SBF2: variants seen among roughly 807,000 people sequenced by gnomAD.
SBF2 encodes the protein SET binding factor 2.
Under a neutral mutation model 225.2 loss-of-function variants are expected in SBF2, and 112 were observed. The observed-to-expected ratio is 0.50, with a 90% CI of 0.43 to 0.58. The LOEUF (loss-of-function observed/expected upper bound fraction) is 0.58, where lower values mean the gene tolerates loss of function less well. SBF2 is among the 20% of genes least tolerant of loss of function. The pLI, the probability that SBF2 is intolerant of heterozygous loss-of-function variation, is 0.00. For missense variants in SBF2, 1,996 were observed against 2,206.2 expected, an observed-to-expected ratio of 0.90 and a Z score of 1.91; for synonymous variants, 763 against 773.3, an observed-to-expected ratio of 0.99 and a Z score of 0.22.
intron 13 of SBF2, among the ~76,000 whole-genome samples, chr11:9,970,549 G>C (rs1867264363): frequency 6.6e-6 from 1 of 152,094 alleles, no homozygotes; most frequent in African/African-American, 2.4e-5. Flanking sequence ...ATATGGCCCA[G>C]ACCTAGATAA....
chr11:9,913,606 G>GT (rs1862825692), intron 16 of SBF2, among the ~76,000 whole-genome samples: 1 of 150,880 alleles, frequency 6.6e-6, no homozygotes, highest in South Asian at 2.1e-4. Flanking sequence ...TGGCAATGAT[G>GT]TTTTTTAACA....
intron 17 of SBF2, among the ~76,000 whole-genome samples, chr11:9,883,685 G>A (rs145625090): frequency 7.2e-4 from 110 of 152,262 alleles, no homozygotes; most frequent in Non-Finnish European, 1.2e-3. Context: ...CTAGGTCTTC[G>A]ATGTTGAGGT....
chr11:9,846,870 A>T (rs1856585645), intron 23 of SBF2, 86 bp downstream of exon 23: 1 of 1,444,402 alleles, frequency 6.9e-7, no homozygotes, highest in African/African-American at 1.4e-5. Flanking sequence ...TTAACTTCTG[A>T]GCACATGACC....
At chr11:10,292,613 A>C (rs1250377260) in intron 1 of SBF2, among the ~76,000 whole-genome samples, 1 of 143,390 alleles carries the variant, frequency 7.0e-6, no homozygotes, top group Non-Finnish European at 1.5e-5. Flanking sequence ...CGGGAGACAG[A>C]GGTTGCAGTG....
chr11:9,850,248 T>A (rs368166313), intron 21 of SBF2, 30 bp from the exon 22 acceptor site: 20 of 1,601,200 alleles, frequency 1.2e-5, no homozygotes, highest in Non-Finnish European at 1.5e-5. Context: ...GATTGATTGA[T>A]TGATTGACTA....
intron 2 of SBF2, 22 bp downstream of exon 2, chr11:10,193,880 C>A: frequency 6.8e-7 from 1 of 1,470,558 alleles, no homozygotes; most frequent in Non-Finnish European, 9.5e-7. Context: ...TATAAATATG[C>A]AATAATACAA....
At chr11:10,025,979 A>T (rs921380647) in intron 6 of SBF2, among the ~76,000 whole-genome samples, 2 of 151,086 alleles carry the variant, frequency 1.3e-5, no homozygotes, top group Admixed American at 6.6e-5. Context: ...ACAGGCCACC[A>T]TTACTGGAAG....
At chr11:9,925,289 T>C (rs1186337237) in intron 16 of SBF2, among the ~76,000 whole-genome samples, 5 of 152,034 alleles carry the variant, frequency 3.3e-5, no homozygotes, top group Non-Finnish European at 5.9e-5. Flanking sequence ...TAATGATATA[T>C]ATATATATAT....
At chr11:10,064,412 G>C (rs1251155520) in intron 2 of SBF2, among the ~76,000 whole-genome samples, 1 of 151,992 alleles carries the variant, frequency 6.6e-6, no homozygotes, top group Admixed American at 6.6e-5. Context: ...AAAATAAAGG[G>C]TAAAAAGGAC....
intron 1 of SBF2, among the ~76,000 whole-genome samples, chr11:10,232,059 G>A (rs560902704): frequency 6.6e-6 from 1 of 152,340 alleles, no homozygotes; most frequent in South Asian, 2.1e-4. Flanking sequence ...ATCTCAGACT[G>A]CTGTGCTAGC....
intron 2 of SBF2, among the ~76,000 whole-genome samples, chr11:10,049,739 T>C (rs1422765937): frequency 6.6e-6 from 1 of 152,234 alleles, no homozygotes; most frequent in Admixed American, 6.5e-5. Context: ...ACTGCTATTT[T>C]AATGAGAATG....
intron 26 of SBF2, among the ~76,000 whole-genome samples, chr11:9,837,157 C>G (rs1590188459): frequency 6.6e-6 from 1 of 152,106 alleles, no homozygotes; most frequent in Non-Finnish European, 1.5e-5. Flanking sequence ...GCATCCTTGT[C>G]AGGATTTCAG....
intron 2 of SBF2, among the ~76,000 whole-genome samples, chr11:10,054,099 C>T (rs2134726325): frequency 6.6e-6 from 1 of 152,180 alleles, no homozygotes; most frequent in South Asian, 2.1e-4. Context: ...AGGGACTATC[C>T]AAAATTATTT....
chr11:10,006,001 G>C (rs765616716), intron 6 of SBF2, among the ~76,000 whole-genome samples: 1 of 152,114 alleles, frequency 6.6e-6, no homozygotes, highest in Non-Finnish European at 1.5e-5. Context: ...TCCTAGACAA[G>C]AGGTTCATGA....
intron 14 of SBF2, among the ~76,000 whole-genome samples, chr11:9,965,288 T>C (rs1866827752): frequency 6.6e-6 from 1 of 151,346 alleles, no homozygotes; most frequent in Non-Finnish European, 1.5e-5. Context: ...CGTCAAATAA[T>C]GTTTTAAACT....
At chr11:9,963,364 C>T (rs1866702377) in intron 15 of SBF2, among the ~76,000 whole-genome samples, 15 of 152,178 alleles carry the variant, frequency 9.9e-5, no homozygotes, top group Admixed American at 9.2e-4. Flanking sequence ...ACTTGGGAGG[C>T]TGAGGCAGGA....
chr11:9,830,069 C>A (rs780863880), intron 27 of SBF2, among the ~76,000 whole-genome samples: 6 of 152,210 alleles, frequency 3.9e-5, no homozygotes, highest in Admixed American at 2.0e-4. Context: ...GCAACTACTG[C>A]CAATCCCTGG....
chr11:10,028,342 A>G, intron 6 of SBF2, 110 bp downstream of exon 6: 1 of 746,302 alleles, frequency 1.3e-6, no homozygotes, highest in Non-Finnish European at 2.4e-6. Context: ...AAAATATTTA[A>G]TGGTTTAAAA....
intron 37 of SBF2, 79 bp downstream of exon 37, chr11:9,785,046 G>C: frequency 1.6e-6 from 2 of 1,224,344 alleles, no homozygotes; most frequent in Non-Finnish European, 2.4e-6. Context: ...CACAGGCCTA[G>C]CTTATTGAGG....
Sources: gnomAD v4.1 joint callset for allele counts (sites outside exome capture counted in the v4.1 genomes callset) on GRCh38, gnomAD v4.1.1 for gene constraint, MANE v1.5 for transcripts, NCBI Gene and HGNC (gene_info 2026-07-23, HGNC 2026-07-21) for gene names.